Variants in OTOF observed in about 807,000 individuals in gnomAD.
OTOF encodes fer-1-like family member 2.
In OTOF, 218 loss-of-function variants were observed where a neutral mutation model predicts 236.8. The ratio of observed to expected loss-of-function variants is 0.92; its 90% confidence interval spans 0.82 to 1.03. The LOEUF is 1.03. OTOF is among the 50% of genes least tolerant of loss of function. OTOF has a pLI of 0.00. For missense variants in OTOF, 2,590 were observed against 2,694.4 expected, an observed-to-expected ratio of 0.96 and a Z score of 0.86; for synonymous variants, 1,041 against 1,072.5, an observed-to-expected ratio of 0.97 and a Z score of 0.57.
chr2:26,460,150 A>C lies in OTOF; in HGVS notation c.5869T>G (p.Phe1957Val). Residue 1957 changes from phenylalanine (F) to valine (V), a missense_variant, in exon 46 of 47, where the codon TTC becomes GTC. Transcript: ENST00000272371. This position sits in a 1 kb window ranked among gnomAD's most constrained non-coding sequence, Gnocchi z 5.3. ...FLNPLKSARY[F>V]LWHTYRWLLL... ...AGCCAGCGATACGTGTGCCACAAGA[A>C]GTAGCGAGCCGACTTGAGAGGGTTC... The C allele has an allele frequency of 6.2e-7, 1 of 1,603,508 alleles. No individual in the cohort carries two copies. Among genetic ancestry groups the C allele is most frequent in the Middle Eastern group, 1.9e-4 (1 of 5,172 alleles).
chr2:26,475,520 G>C (rs757511390), intron 24 of OTOF, 27 bp from the exon 25 acceptor site: 1 of 1,607,798 alleles, frequency 6.2e-7, no homozygotes, highest in Non-Finnish European at 8.5e-7. Context: ...GGAGACAGGG[G>C]ACAAGTGACA....
chr2:26,489,438 T>A, intron 10 of OTOF, 143 bp from the exon 11 acceptor site: 2 of 746,026 alleles, frequency 2.7e-6, no homozygotes, highest in Non-Finnish European at 4.7e-6. Context: ...CATCAGCTCC[T>A]CCTGCCCACG....
At chr2:26,493,648 G>C (rs1483837551) in intron 9 of OTOF, among the ~76,000 whole-genome samples, 1 of 152,192 alleles carries the variant, frequency 6.6e-6, no homozygotes, top group Non-Finnish European at 1.5e-5. Flanking sequence ...CATGCACCTA[G>C]AAGGACACAA....
At chr2:26,516,818 C>T (rs1489676083) in intron 4 of OTOF, among the ~76,000 whole-genome samples, 1 of 152,182 alleles carries the variant, frequency 6.6e-6, no homozygotes, top group Non-Finnish European at 1.5e-5. Flanking sequence ...TGGTACCTGG[C>T]TCCAGGTCCC....
At chr2:26,499,530 C>T (rs1392873395) in intron 8 of OTOF, among the ~76,000 whole-genome samples, 2 of 152,094 alleles carry the variant, frequency 1.3e-5, no homozygotes, top group African/African-American at 4.8e-5. Flanking sequence ...TCTTTTGAGA[C>T]AAGGTCTCCC....
chr2:26,510,660 C>A (rs1405563719), intron 5 of OTOF: 1 of 1,247,312 alleles, frequency 8.0e-7, no homozygotes, highest in Admixed American at 2.3e-5. Context: ...AGGCCTCTGT[C>A]TCCCCAGAGA....
chr2:26,555,192 T>C (rs1311869720), intron 1 of OTOF, among the ~76,000 whole-genome samples: 1 of 152,232 alleles, frequency 6.6e-6, no homozygotes, highest in African/African-American at 2.4e-5. Context: ...GTGGTCAAGA[T>C]GGCTCCTTCT....
At chr2:26,489,912 G>T (rs949664089) in intron 9 of OTOF, among the ~76,000 whole-genome samples, 172 bp from the exon 10 acceptor site, 2 of 152,232 alleles carry the variant, frequency 1.3e-5, no homozygotes, top group Admixed American at 6.5e-5. Context: ...TGACCCTGGT[G>T]GTGGGTGGTA....
At chr2:26,524,778 A>G (rs955915105) in intron 3 of OTOF, among the ~76,000 whole-genome samples, 7 of 152,208 alleles carry the variant, frequency 4.6e-5, no homozygotes, top group African/African-American at 1.4e-4. Context: ...GTTAACAGAC[A>G]TGCATTCTAG....
intron 2 of OTOF, among the ~76,000 whole-genome samples, chr2:26,536,259 C>A (rs1667066594): frequency 6.6e-6 from 1 of 152,108 alleles, no homozygotes; most frequent in Admixed American, 6.5e-5. Context: ...TTCACAGAGA[C>A]CTTCACACCC....
At chr2:26,503,041 G>C (rs1283063617) in intron 6 of OTOF, among the ~76,000 whole-genome samples, 2 of 152,156 alleles carry the variant, frequency 1.3e-5, no homozygotes, top group African/African-American at 2.4e-5. Flanking sequence ...CTCCATTTAA[G>C]AAGGTGAAGG....
chr2:26,526,358 AATGG>A (rs1666804239), intron 3 of OTOF, among the ~76,000 whole-genome samples: 1 of 151,918 alleles, frequency 6.6e-6, no homozygotes, highest in Non-Finnish European at 1.5e-5. Context: ...TGAATTGATA[AATGG>A]ATGGAGGGAT....
rs1182431736 is a variant in OTOF, at chr2:26,480,210, G to A, written c.1905C>T (p.Val635=). 1.2e-6 allele frequency: 2 copies of A among 1,604,342 alleles called. No individual in the cohort carries two copies. Among genetic ancestry groups the A allele is most frequent in the East Asian group, 2.2e-5 (1 of 44,854 alleles). The part of the protein sequence containing the change: ...RNGDKPITFE[V]TIGNYGNEVD... Reference sequence around the variant, plus strand: ...CGTGGGCCCAGCACTCACCTATGGTGACCTCAAAGGTGATGGGCTTGTCTC... The same window carrying A: ...CGTGGGCCCAGCACTCACCTATGGTAACCTCAAAGGTGATGGGCTTGTCTC... The change falls in exon 16 of 47, where the codon GTC becomes GTT. Residue 635 remains valine (V), a synonymous_variant. Coordinates refer to ENST00000272371, the MANE Select transcript of OTOF (RefSeq NM_194248.3).
At chr2:26,475,283 C>CAG in intron 25 of OTOF, 76 bp downstream of exon 25, 2 of 1,543,876 alleles carry the variant, frequency 1.3e-6, no homozygotes, top group Admixed American at 3.3e-5. Context: ...GGCACAGCCT[C>CAG]AGCGCAGGTG....
At chr2:26,522,050 G>A (rs1186230651) in intron 3 of OTOF, among the ~76,000 whole-genome samples, 1 of 152,150 alleles carries the variant, frequency 6.6e-6, no homozygotes, top group Non-Finnish European at 1.5e-5. Flanking sequence ...CACCCTTCAA[G>A]CTGTGCACAG....
At chr2:26,517,296 G>C (rs1666557997) in intron 4 of OTOF, among the ~76,000 whole-genome samples, 1 of 152,194 alleles carries the variant, frequency 6.6e-6, no homozygotes, top group South Asian at 2.1e-4. Context: ...CTTCCTCACT[G>C]GTCTAGAGGT....
chr2:26,504,223 C>T (rs1273801347), intron 5 of OTOF, among the ~76,000 whole-genome samples: 1 of 152,178 alleles, frequency 6.6e-6, no homozygotes, highest in East Asian at 1.9e-4. Context: ...CCGAGCCCTG[C>T]CAGTGTCCCC....
chr2:26,530,949 A>G (rs916881973), intron 2 of OTOF, among the ~76,000 whole-genome samples: 4 of 152,078 alleles, frequency 2.6e-5, no homozygotes, highest in Non-Finnish European at 4.4e-5. Flanking sequence ...GGTTACTCCC[A>G]TTTGGCCTCC....
At position 26,457,879 on chromosome 2, in the gene OTOF, G is replaced by C. The variant is rs1344236383; in HGVS notation, c.*359C>G. ...ACTGGGCAAGCCGCAGCCTGGGGCA[G>C]TGAGGACAGGCGGCCCCCGCAAGCA... On this transcript the variant is annotated 3_prime_UTR_variant, in exon 47 of 47. Coordinates refer to ENST00000272371, the MANE Select transcript of OTOF (RefSeq NM_194248.3). This position sits in a 1 kb window ranked among gnomAD's most constrained non-coding sequence, Gnocchi z 4.4. The C allele has an allele frequency of 5.5e-6, 4 of 721,780 alleles. No homozygotes were observed. In the East Asian group the frequency reaches 1.0e-4, roughly 18 times the overall value. The allele number at this position is 721,780 out of a possible 1,614,324, so 44.7% of individuals were successfully genotyped here. A position where few individuals can be genotyped will look rare whatever the true frequency, so the allele number is the denominator to read the frequency against.
Sources: gnomAD v4.1 joint callset for allele counts (sites outside exome capture counted in the v4.1 genomes callset) on GRCh38, gnomAD v4.1.1 for gene constraint, Gnocchi (gnomAD v3.1) non-coding constraint, MANE v1.5 for transcripts, NCBI Gene and HGNC (gene_info 2026-07-23, HGNC 2026-07-21) for gene names.